The following TUFM variants were observed in gnomAD, a reference collection of about 807,000 sequenced individuals.
TUFM encodes elongation factor Tu, mitochondrial.
TUFM carries 23 observed loss-of-function variants against 45.0 expected under a neutral mutation model. The ratio of observed to expected loss-of-function variants is 0.51; its 90% CI spans 0.37 to 0.72. TUFM has a LOEUF of 0.72. TUFM is among the 30% of genes least tolerant of loss of function. The pLI is 0.00. For missense variants in TUFM, 490 were observed against 610.7 expected, an observed-to-expected ratio of 0.80 and a Z score of 2.08; for synonymous variants, 243 against 252.9, an observed-to-expected ratio of 0.96 and a Z score of 0.37.
Position 28,844,689 on chromosome 16 carries a change from C to T in TUFM, c.684+9G>A, listed in dbSNP as rs758931862. ...CTGCAGCAGCTGCCCTGCCTGACCCCGCGTTCACCTCAAGGGCACAGAGAG... is the reference window on the plus strand; with the variant it reads ...CTGCAGCAGCTGCCCTGCCTGACCCTGCGTTCACCTCAAGGGCACAGAGAG... On this transcript the variant is annotated intron_variant, in intron 5 of 9. Transcript: ENST00000313511. This position sits in a 1 kb window ranked among gnomAD's most constrained non-coding sequence, Gnocchi z 5.8. The T allele has an allele frequency of 3.6e-5, 58 of 1,614,082 alleles. No homozygotes were observed. The highest frequency in any genetic ancestry group is 1.6e-4 in the Middle Eastern group (1 of 6,084).
At chr16:28,845,222 C>G (rs1481785534) in intron 3 of TUFM, 92 bp downstream of exon 3, 2 of 1,605,642 alleles carry the variant, frequency 1.2e-6, no homozygotes, top group African/African-American at 2.7e-5. Context: ...TACCCAAACA[C>G]TGAATATCTT....
chr16:28,842,912 A>G lies in TUFM; in HGVS notation c.*63T>C. 6.2e-7 allele frequency: 1 copy of G among 1,601,374 alleles called. No homozygotes were observed. The highest frequency in any genetic ancestry group is 1.1e-5 in the South Asian group (1 of 90,498). ...TATGCCATGAGAGGGTACTGGAAGC[A>G]GGAGGGAGCCCTGGCTAGGGCAGGC... On this transcript the variant is annotated 3_prime_UTR_variant, in exon 10 of 10. Coordinates refer to ENST00000313511, the MANE Select transcript of TUFM (RefSeq NM_003321.5).
rs780273573 is a variant in TUFM at position 28,844,258 on chromosome 16, A to G, written c.894T>C (p.His298=). Residue 298 remains histidine (H), a synonymous_variant, in exon 7 of 10, where the codon CAT becomes CAC. Coordinates refer to ENST00000313511, the MANE Select transcript of TUFM (RefSeq NM_003321.5). The surrounding 1 kb of genome is among the most constrained non-coding windows in gnomAD (Gnocchi z 5.8). ...KKGDECELLG[H]SKNIRTVVTG... ...TCACCACAGTGCGGATGTTCTTGCT[A>G]TGTCCTAGGAGCTCACACTCGTCTC... 16 of 1,613,974 alleles carry G rather than the reference A, an allele frequency of 9.9e-6. No homozygotes were observed. The Admixed American group carries it at 1.8e-4, about 18-fold the overall frequency.
chr16:28,844,318 C>T lies in TUFM; in HGVS notation c.834G>A (p.Val278=). 6.2e-7 allele frequency: 1 copy of T among 1,614,186 alleles called. No individual in the cohort carries two copies. Among genetic ancestry groups the T allele is most frequent in the Non-Finnish European group, 8.5e-7 (1 of 1,180,038 alleles). Residue 278 remains valine, a synonymous_variant, in exon 7 of 10, where the codon GTG becomes GTA. Coordinates refer to ENST00000313511, the MANE Select transcript of TUFM (RefSeq NM_003321.5). The surrounding 1 kb of genome is among the most constrained non-coding windows in gnomAD (Gnocchi z 5.8). Reference sequence around the variant, plus strand: ...AAATGCCACGCTCTAGTGTACCTGTCACCACGGTGCCACGGCCTGGGAGGG... The same window carrying T: ...AAATGCCACGCTCTAGTGTACCTGTTACCACGGTGCCACGGCCTGGGAGGG... The part of the protein sequence containing the change: ...VYSVPGRGTV[V]TGTLERGILK...
intron 9 of TUFM, 58 bp from the exon 10 acceptor site, chr16:28,843,206 CTT>C (rs1961845702): frequency 1.3e-6 from 2 of 1,586,592 alleles, no homozygotes; most frequent in Non-Finnish European, 1.7e-6. Flanking sequence ...TTCCTTAAGT[CTT>C]TTTTGGCTAC....
rs546168167 is a variant in TUFM, at chr16:28,845,010, C to A, written c.460G>T (p.Val154Leu). The change falls in exon 4 of 10, where the codon GTA becomes TTA. Residue 154 changes from valine to leucine, a missense_variant. By Grantham distance (32) the Val-to-Leu change is conservative. Coordinates refer to ENST00000313511, the MANE Select transcript of TUFM (RefSeq NM_003321.5). The part of the protein sequence containing the change: ...TAPLDGCILV[V>L]AANDGPMPQT... Reference sequence around the variant, plus strand: ...GGCATGGGGCCGTCATTGGCTGCTACCACCAGGATGCAGCCGTCGAGGGGT... The same window carrying A: ...GGCATGGGGCCGTCATTGGCTGCTAACACCAGGATGCAGCCGTCGAGGGGT... 4 of 1,614,172 alleles carry A rather than the reference C, an allele frequency of 2.5e-6. No homozygotes were observed. In the African/African-American group the frequency reaches 5.3e-5, roughly 22 times the overall value.
chr16:28,843,971 G>C lies in TUFM; in HGVS notation c.1053C>G (p.Pro351=). The C allele has an allele frequency of 6.2e-7, 1 of 1,614,170 alleles. No individual in the cohort carries two copies. The highest frequency in any genetic ancestry group is 1.3e-5 in the African/African-American group (1 of 75,044). Residue 351 remains proline (P), a synonymous_variant, in exon 8 of 10, where the codon CCC becomes CCG. Coordinates refer to ENST00000313511, the MANE Select transcript of TUFM (RefSeq NM_003321.5). ...TCACCTGGGCCTCCACCTTCTGGTG[G>C]GGCTTGATGGAACCTGGCTTGACCA... ...LVMVKPGSIK[P]HQKVEAQVYI...
In TUFM at chr16:28,846,259, A is replaced by G; in HGVS notation, c.11T>C (p.Met4Thr). MTTMAAATLLRATP... is the reference protein window; with the variant it reads MTTTAAATLLRATP... ...CGCGCGCAGCAGGGTGGCGGCCGCC[A>G]TTGTGGTCATACTCGCGCCCCGGTA... The change falls in exon 1 of 10, where the codon ATG becomes ACG. Residue 4 changes from methionine to threonine, a missense_variant. Physicochemically the swap from Met to Thr is moderately conservative, Grantham distance 81. Coordinates refer to ENST00000313511, the MANE Select transcript of TUFM (RefSeq NM_003321.5). 1 of 1,563,394 alleles carries G rather than the reference A, an allele frequency of 6.4e-7. No homozygotes were observed. The highest frequency in any genetic ancestry group is 8.7e-7 in the Non-Finnish European group (1 of 1,154,052).
chr16:28,842,878 G>A lies in TUFM; in HGVS notation c.*97C>T, dbSNP rs1961836600. ...TGTCCATCTAGCTGCCCTCTGCTGG[G>A]TTGCAGCCTATGCCATGAGAGGGTA... On this transcript the variant is annotated 3_prime_UTR_variant, in exon 10 of 10. Transcript: ENST00000313511. 1 of 1,503,912 alleles carries A rather than the reference G, an allele frequency of 6.6e-7. No individual in the cohort carries two copies. The highest frequency in any genetic ancestry group is 1.4e-5 in the African/African-American group (1 of 72,526). The allele number at this position is 1,503,912 out of a possible 1,614,324, so 93.2% of individuals were successfully genotyped here.
rs767714151 is a variant in TUFM at position 28,845,304 on chromosome 16, C to A, written c.414+10G>T. ...TCTGGCCCTGTCTCCAGTGTCCCAG[C>A]AACCCTCACCTTAACATAATCTGCA... On this transcript the variant is annotated intron_variant, in intron 3 of 9. Coordinates refer to ENST00000313511, the MANE Select transcript of TUFM (RefSeq NM_003321.5). The A allele has an allele frequency of 5.0e-6, 8 of 1,614,108 alleles. No individual in the cohort carries two copies. In the East Asian group the frequency reaches 1.8e-4, roughly 36 times the overall value.
At position 28,846,241 on chromosome 16, in the gene TUFM, A is replaced by C; in HGVS notation, c.29T>G (p.Leu10Arg). The C allele has an allele frequency of 6.4e-7, 1 of 1,568,850 alleles. No homozygotes were observed. MTTMAAATL[L>R]RATPHFSGLA... ...ACCGCTGAAGTGGGGCGTCGCGCGCAGCAGGGTGGCGGCCGCCATTGTGGT... is the reference window on the plus strand; with the variant it reads ...ACCGCTGAAGTGGGGCGTCGCGCGCCGCAGGGTGGCGGCCGCCATTGTGGT... Residue 10 changes from leucine (L) to arginine (R), a missense_variant, in exon 1 of 10, where the codon CTG becomes CGG. Transcript: ENST00000313511.
Position 28,843,092 on chromosome 16 carries a change from C to T in TUFM, c.1251G>A (p.Met417Ile). ...LKFNLILRQP[M>I]ILEKGQRFTL... ...TGAAACGCTGGCCTTTCTCTAAGAT[C>T]ATTGGCTGCCGCAAGATTAGGTTGA... The change falls in exon 10 of 10, where the codon ATG becomes ATA. Residue 417 changes from methionine to isoleucine, a missense_variant. By Grantham distance (10) the Met-to-Ile change is conservative (BLOSUM62 1). Transcript: ENST00000313511. The T allele has an allele frequency of 6.2e-7, 1 of 1,614,196 alleles. No homozygotes were observed. Among genetic ancestry groups the T allele is most frequent in the Non-Finnish European group, 8.5e-7 (1 of 1,180,038 alleles).
intron 2 of TUFM, 68 bp downstream of exon 2, chr16:28,845,844 G>T: frequency 6.3e-7 from 1 of 1,588,032 alleles, no homozygotes; most frequent in Non-Finnish European, 8.6e-7. Flanking sequence ...CACTCTGCTG[G>T]CCTTGCCTCC....
Position 28,846,064 on chromosome 16 carries a change from C to A in TUFM, c.95G>T (p.Arg32Leu). 6.2e-7 allele frequency: 1 copy of A among 1,613,784 alleles called. No individual in the cohort carries two copies. The highest frequency in any genetic ancestry group is 8.5e-7 in the Non-Finnish European group (1 of 1,179,978). Residue 32 changes from arginine to leucine, a missense_variant, in exon 2 of 10, where the codon CGG (arginine) becomes CTG (leucine). Coordinates refer to ENST00000313511, the MANE Select transcript of TUFM (RefSeq NM_003321.5). ...AGGCAATGCCGGGGCTTTCAGCAGCCGCAACAGACCCTGCAGCAGGAAGGT... is the reference window on the plus strand; with the variant it reads ...AGGCAATGCCGGGGCTTTCAGCAGCAGCAACAGACCCTGCAGCAGGAAGGT... ...GRTFLLQGLL[R>L]LLKAPALPLL...
rs1961880733 is a variant in TUFM at position 28,844,472 on chromosome 16, C to T, written c.764G>A (p.Arg255Gln). 5 of 1,614,148 alleles carry T rather than the reference C, an allele frequency of 3.1e-6. No individual in the cohort carries two copies. The highest frequency in any genetic ancestry group is 2.2e-5 in the East Asian group (1 of 44,878). The change falls in exon 6 of 10, where the codon CGG becomes CAG. Residue 255 changes from arginine (R) to glutamine (Q), a missense_variant. Arg to Gln is a conservative substitution (Grantham distance 43). Transcript: ENST00000313511. The surrounding 1 kb of genome is among the most constrained non-coding windows in gnomAD (Gnocchi z 5.8). ...CAGCAGGAAAGGCTTCTCCAGGTCC[C>T]GGGCGGGCACTGGGATGTAAGTGTC... ...AVDTYIPVPA[R>Q]DLEKPFLLPV... is the part of the protein sequence containing the mutation.
Position 28,844,737 on chromosome 16 carries a change from C to G in TUFM, c.645G>C (p.Glu215Asp). 6.2e-7 allele frequency: 1 copy of G among 1,614,208 alleles called. No individual in the cohort carries two copies. The highest frequency in any genetic ancestry group is 8.5e-7 in the Non-Finnish European group (1 of 1,180,038). Reference sequence around the variant, plus strand: ...GAGCAGAGCCTACGATGACTGGGGTCTCCTCCCCTTTATAGCCAAACTCGG... The same window carrying G: ...GAGCAGAGCCTACGATGACTGGGGTGTCCTCCCCTTTATAGCCAAACTCGG... ...LLTEFGYKGE[E>D]TPVIVGSALC... Residue 215 changes from glutamate to aspartate, a missense_variant, in exon 5 of 10, where the codon GAG (glutamate) becomes GAC (aspartate). Physicochemically the swap from Glu to Asp is conservative, Grantham distance 45. Transcript: ENST00000313511. The surrounding 1 kb of genome is among the most constrained non-coding windows in gnomAD (Gnocchi z 5.8).
At position 28,844,139 on chromosome 16, in the gene TUFM, G is replaced by A; in HGVS notation, c.923-38C>T. ...GGGAAAAGGAGCAGGGAGAAGGAAGGCGAATGTGAGACAGAGGGAAGGCAC... is the reference window on the plus strand; with the variant it reads ...GGGAAAAGGAGCAGGGAGAAGGAAGACGAATGTGAGACAGAGGGAAGGCAC... On this transcript the variant is annotated intron_variant, in intron 7 of 9. Transcript: ENST00000313511. This position sits in a 1 kb window ranked among gnomAD's most constrained non-coding sequence, Gnocchi z 5.8. The A allele has an allele frequency of 6.2e-7, 1 of 1,614,096 alleles. No individual in the cohort carries two copies. The highest frequency in any genetic ancestry group is 2.2e-5 in the East Asian group (1 of 44,878).
rs1024963469 is a variant in TUFM at position 28,843,113 on chromosome 16, G to A, written c.1230C>T (p.Asn410=). ...AGATCATTGGCTGCCGCAAGATTAGGTTGAACTTCAGGTCCTCCCCGGGCA... is the reference window on the plus strand; with the variant it reads ...AGATCATTGGCTGCCGCAAGATTAGATTGAACTTCAGGTCCTCCCCGGGCA... The part of the protein sequence containing the change: ...LAMPGEDLKF[N]LILRQPMILE... Residue 410 remains asparagine, a synonymous_variant, in exon 10 of 10, where the codon AAC becomes AAT. Transcript: ENST00000313511. 2 of 1,614,086 alleles carry A rather than the reference G, an allele frequency of 1.2e-6. No homozygotes were observed. The highest frequency in any genetic ancestry group is 2.2e-5 in the East Asian group (1 of 44,888).
In TUFM at chr16:28,844,871, G is replaced by A. The variant is rs1481539648; in HGVS notation, c.520-9C>T. ...ACATGCTCCACCCCAATCTGTAGAT[G>A]CCAGAGAGACAGGGACAATATACAG... On this transcript the variant is annotated splice_polypyrimidine_tract_variant and intron_variant, in intron 4 of 9. Transcript: ENST00000313511. This position sits in a 1 kb window ranked among gnomAD's most constrained non-coding sequence, Gnocchi z 5.8. The A allele has an allele frequency of 1.2e-6, 2 of 1,614,032 alleles. No homozygotes were observed. Among genetic ancestry groups the A allele is most frequent in the East Asian group, 2.2e-5 (1 of 44,896 alleles).
Sources: allele counts gnomAD v4.1 joint callset, GRCh38; gene constraint gnomAD v4.1.1; non-coding constraint Gnocchi (gnomAD v3.1); transcripts MANE v1.5; gene names NCBI Gene and HGNC (gene_info 2026-07-23, HGNC 2026-07-21).